The following GALNT18 variants were observed in gnomAD, a reference collection of about 807,000 sequenced individuals.
The protein encoded by GALNT18 is polypeptide N-acetylgalactosaminyltransferase 18.
A neutral mutation model predicts 69.5 loss-of-function variants in GALNT18; 44 were observed. The observed-to-expected ratio is 0.63, with a 90% CI of 0.50 to 0.81. GALNT18 has a LOEUF of 0.81. Ranked by LOEUF, GALNT18 falls within the 40% of genes least tolerant of loss-of-function variation. GALNT18 has a pLI of 0.00. For missense variants in GALNT18, 715 were observed against 810.0 expected (o/e 0.88, Z 1.42); for synonymous variants, 364 against 318.2 (o/e 1.14, Z -1.53).
chr11:11,517,733 G>A (rs1857312016), intron 1 of GALNT18, among the ~76,000 whole-genome samples: 1 of 152,050 alleles, frequency 6.6e-6, no homozygotes, highest in Non-Finnish European at 1.5e-5. Flanking sequence ...CCGGTGGCCT[G>A]TCCTTGCTGA....
rs188021803 is a variant in GALNT18, at chr11:11,470,347, T to C, written c.236-21411A>G. 3.9e-4 allele frequency among the ~76,000 whole-genome samples: 60 copies of C among 152,302 alleles called. No homozygotes were observed. The highest frequency in any genetic ancestry group is 5.0e-4 in the Non-Finnish European group (34 of 68,030). On this transcript the variant is annotated intron_variant, in intron 1 of 10. Transcript: ENST00000227756. The surrounding 1 kb of genome is among the most constrained non-coding windows in gnomAD (Gnocchi z 4.8). ...TGCAGGCATGGAGGAAATTGTACGGTCATGCCCTACATTCATATCTTGATC... is the reference window on the plus strand; with the variant it reads ...TGCAGGCATGGAGGAAATTGTACGGCCATGCCCTACATTCATATCTTGATC...
chr11:11,406,289 T>C (rs2133747654), intron 3 of GALNT18, among the ~76,000 whole-genome samples: 1 of 152,334 alleles, frequency 6.6e-6, no homozygotes, highest in East Asian at 1.9e-4. Context: ...AGGATAATCA[T>C]CATAATGTCT....
rs986166173 is a variant in GALNT18 at position 11,480,283 on chromosome 11, C to G, written c.236-31347G>C. On this transcript the variant is annotated intron_variant, in intron 1 of 10. Transcript: ENST00000227756. This position sits in a 1 kb window ranked among gnomAD's most constrained non-coding sequence, Gnocchi z 4.6. ...CTCTCTCTTTCTCTCTCTCTCGCCC[C>G]CCTCGCCCCAACCTCAGTCATATCC... is the stretch of plus-strand genomic sequence containing the variant. 2.6e-5 allele frequency among the ~76,000 whole-genome samples: 4 copies of G among 152,018 alleles called. No individual in the cohort carries two copies. Among genetic ancestry groups the G allele is most frequent in the Non-Finnish European group, 4.4e-5 (3 of 68,006 alleles).
chr11:11,290,417 T>C (rs895107219), intron 10 of GALNT18, among the ~76,000 whole-genome samples: 3 of 151,926 alleles, frequency 2.0e-5, no homozygotes, highest in African/African-American at 7.3e-5. Flanking sequence ...TGACCTGGGG[T>C]TACATATCCT....
rs188314263 is a variant in GALNT18, at chr11:11,356,126, A to G, written c.1093-15122T>C. 1.3e-5 allele frequency among the ~76,000 whole-genome samples: 2 copies of G among 152,350 alleles called. No homozygotes were observed. The highest frequency in any genetic ancestry group is 2.9e-5 in the Non-Finnish European group (2 of 68,036). On this transcript the variant is annotated intron_variant, in intron 6 of 10. Coordinates refer to ENST00000227756, the MANE Select transcript of GALNT18 (RefSeq NM_198516.3). The surrounding 1 kb of genome is among the most constrained non-coding windows in gnomAD (Gnocchi z 4.4). The stretch of plus-strand genomic sequence containing the variant: ...CCCTGCCCTTTGCATTGCTTTACAA[A>G]GCCAAGAACATTTGTATTTGGAGAT...
At chr11:11,378,172 A>G (rs1853819533) in intron 4 of GALNT18, among the ~76,000 whole-genome samples, 1 of 152,184 alleles carries the variant, frequency 6.6e-6, no homozygotes, top group Non-Finnish European at 1.5e-5. Flanking sequence ...TGCAGCCTTC[A>G]TTTGGGCCTG....
At chr11:11,285,417 A>G (rs1438822437) in intron 10 of GALNT18, among the ~76,000 whole-genome samples, 1 of 152,226 alleles carries the variant, frequency 6.6e-6, no homozygotes, top group Non-Finnish European at 1.5e-5. Flanking sequence ...AGTAAACACC[A>G]TATAAATGTT....
intron 9 of GALNT18, among the ~76,000 whole-genome samples, chr11:11,301,581 G>C (rs1407460302): frequency 6.6e-6 from 1 of 152,236 alleles, no homozygotes; most frequent in Non-Finnish European, 1.5e-5. Context: ...ACATGTGTAA[G>C]GCTGGGTTTC....
intron 3 of GALNT18, 57 bp from the exon 4 acceptor site, chr11:11,379,321 C>A: frequency 6.7e-7 from 1 of 1,494,650 alleles, no homozygotes; most frequent in Non-Finnish European, 9.2e-7. Context: ...GCAGAGGGGG[C>A]AATCACAACA....
At chr11:11,408,364 CAAAAAAA>C (rs57957956) in intron 3 of GALNT18, among the ~76,000 whole-genome samples, 1,345 of 70,910 alleles carry the variant, frequency 0.019, 38 homozygotes, top group East Asian at 0.15. Context: ...GACTTCATCT[CAAAAAAA>C]AAAAAAAAAA....
Position 11,546,168 on chromosome 11 carries a change from C to G in GALNT18, c.235+75191G>C, listed in dbSNP as rs2133962601. ...GAAGGCTTACAAGCCCAAAGTGAGCCAGTTGTTTGAGCTACCCTTGAGCCA... is the reference window on the plus strand; with the variant it reads ...GAAGGCTTACAAGCCCAAAGTGAGCGAGTTGTTTGAGCTACCCTTGAGCCA... On this transcript the variant is annotated intron_variant, in intron 1 of 10. Transcript: ENST00000227756. This position sits in a 1 kb window ranked among gnomAD's most constrained non-coding sequence, Gnocchi z 5.8. 6.6e-6 allele frequency among the ~76,000 whole-genome samples: 1 copy of G among 152,234 alleles called. No individual in the cohort carries two copies. Among genetic ancestry groups the G allele is most frequent in the Non-Finnish European group, 1.5e-5 (1 of 68,022 alleles).
intron 1 of GALNT18, among the ~76,000 whole-genome samples, chr11:11,579,374 C>T (rs1309270298): frequency 3.9e-5 from 6 of 152,118 alleles, no homozygotes; most frequent in African/African-American, 1.4e-4. Context: ...ATGGCTTGCT[C>T]ACTGGCTTGC....
intron 1 of GALNT18, among the ~76,000 whole-genome samples, chr11:11,552,325 C>T (rs1858216692): frequency 6.6e-6 from 1 of 152,206 alleles, no homozygotes; most frequent in South Asian, 2.1e-4. Flanking sequence ...CAGCTGTCCC[C>T]CTACCCCATT....
At position 11,372,383 on chromosome 11, in the gene GALNT18, C is replaced by T. The variant is rs1850928906; in HGVS notation, c.1092+132G>A. Reference sequence around the variant, plus strand: ...CCCTGTGTCTTCCCAATCCCAATCACACACAGGATTCAGGACTGGACATTC... The same window carrying T: ...CCCTGTGTCTTCCCAATCCCAATCATACACAGGATTCAGGACTGGACATTC... On this transcript the variant is annotated intron_variant, in intron 6 of 10. Transcript: ENST00000227756. This position sits in a 1 kb window ranked among gnomAD's most constrained non-coding sequence, Gnocchi z 4.9. 1 of 695,390 alleles carries T rather than the reference C, an allele frequency of 1.4e-6. No homozygotes were observed. The highest frequency in any genetic ancestry group is 2.4e-4 in the Middle Eastern group (1 of 4,090). 43.1% of individuals were successfully genotyped at this position (695,390 alleles called of 1,614,324 possible). A position where few individuals can be genotyped will look rare whatever the true frequency, so the allele number is the denominator to read the frequency against.
intron 3 of GALNT18, among the ~76,000 whole-genome samples, chr11:11,416,681 C>T (rs1351707707): frequency 6.6e-6 from 1 of 152,162 alleles, no homozygotes; most frequent in Non-Finnish European, 1.5e-5. Flanking sequence ...TTATTTACTC[C>T]CAGATGGCAG....
chr11:11,340,891 A>G lies in GALNT18; in HGVS notation c.1206T>C (p.Ala402=). 6.2e-7 allele frequency: 1 copy of G among 1,614,010 alleles called. No homozygotes were observed. The highest frequency in any genetic ancestry group is 8.5e-7 in the Non-Finnish European group (1 of 1,179,966). The stretch of plus-strand genomic sequence containing the variant: ...CCATCCAGACTTCAGCCACCCTGAG[A>G]GCGTTCCTGCGGACATGGGCGGTGA... ...EDLTAHVRRN[A]LRVAEVWMDE... is the part of the protein sequence containing the mutation. The change falls in exon 7 of 11, where the codon GCT becomes GCC. Residue 402 remains alanine, a synonymous_variant. Transcript: ENST00000227756. This position sits in a 1 kb window ranked among gnomAD's most constrained non-coding sequence, Gnocchi z 4.2.
intron 1 of GALNT18, among the ~76,000 whole-genome samples, chr11:11,574,079 C>A (rs534846826): frequency 1.5e-4 from 23 of 152,130 alleles, no homozygotes; most frequent in Non-Finnish European, 2.8e-4. Context: ...ACAATCTAGG[C>A]AAGTCAATTA....
intron 3 of GALNT18, among the ~76,000 whole-genome samples, chr11:11,406,009 G>A (rs769310869): frequency 1.1e-4 from 17 of 152,280 alleles, no homozygotes; most frequent in Admixed American, 5.9e-4. Flanking sequence ...CTCATCTCAC[G>A]GAGGTTCATA....
chr11:11,525,406 T>G (rs1036684878), intron 1 of GALNT18, among the ~76,000 whole-genome samples: 1 of 152,150 alleles, frequency 6.6e-6, no homozygotes, highest in African/African-American at 2.4e-5. Flanking sequence ...GATAAGGTCC[T>G]TATCTGAAAC....
Sources: allele counts gnomAD v4.1 joint callset (sites outside exome capture counted in the v4.1 genomes callset), GRCh38; gene constraint gnomAD v4.1.1; non-coding constraint Gnocchi (gnomAD v3.1); transcripts MANE v1.5; gene names NCBI Gene and HGNC (gene_info 2026-07-23, HGNC 2026-07-21).